Variants in CHN1 observed in about 807,000 individuals in gnomAD.
The protein encoded by CHN1 is chimerin 1.
In CHN1, 37 loss-of-function variants were observed where a neutral mutation model predicts 59.5. The ratio of observed to expected loss-of-function variants is 0.62; its 90% CI spans 0.48 to 0.82. The LOEUF (loss-of-function observed/expected upper bound fraction) is 0.82, where lower values mean the gene tolerates loss of function less well. Among genes scored for constraint, CHN1 ranks in the 40% least tolerant of loss-of-function variants. CHN1 has a pLI of 0.00. For synonymous variants in CHN1, 206 were observed against 200.4 expected, an observed-to-expected ratio of 1.03 and a Z score of -0.24; for missense variants, 469 against 571.0, an observed-to-expected ratio of 0.82 and a Z score of 1.82.
intron 6 of CHN1, among the ~76,000 whole-genome samples, chr2:174,853,104 C>T (rs1197743667): frequency 6.6e-6 from 1 of 152,096 alleles, no homozygotes; most frequent in African/African-American, 2.4e-5. Context: ...GGGCCTAATT[C>T]AACCGAAGAG....
intron 1 of CHN1, among the ~76,000 whole-genome samples, chr2:174,979,591 G>C (rs1345030439): frequency 6.6e-6 from 1 of 152,154 alleles, no homozygotes; most frequent in East Asian, 1.9e-4. Context: ...GAGGTGGGCA[G>C]ATCACGAGGT....
intron 1 of CHN1, among the ~76,000 whole-genome samples, chr2:174,995,555 C>T (rs1691680771): frequency 6.6e-6 from 1 of 152,178 alleles, no homozygotes; most frequent in Admixed American, 6.5e-5. Context: ...GAGTGTGCAA[C>T]CCAGATCCCT....
chr2:174,894,827 GA>G (rs1481991153), intron 5 of CHN1, among the ~76,000 whole-genome samples: 2 of 152,074 alleles, frequency 1.3e-5, no homozygotes, highest in African/African-American at 4.8e-5. Context: ...ACCACGGTCT[GA>G]AAATATTAAA....
At chr2:174,941,386 A>T (rs933518236) in intron 3 of CHN1, among the ~76,000 whole-genome samples, 5 of 152,166 alleles carry the variant, frequency 3.3e-5, no homozygotes, top group South Asian at 2.1e-4. Flanking sequence ...TAGAAAAAAA[A>T]TTTTTTTAAT....
chr2:174,832,384 A>T (rs749040055), intron 7 of CHN1, among the ~76,000 whole-genome samples: 8 of 151,974 alleles, frequency 5.3e-5, no homozygotes, highest in Non-Finnish European at 1.0e-4. Context: ...GTTTCTTAAG[A>T]TGGAAGCTTA....
At chr2:174,841,065 T>C (rs1404756292) in intron 7 of CHN1, among the ~76,000 whole-genome samples, 3 of 152,188 alleles carry the variant, frequency 2.0e-5, no homozygotes, top group Non-Finnish European at 4.4e-5. Context: ...TGGGTTTCTC[T>C]GAAGTATAGC....
intron 7 of CHN1, among the ~76,000 whole-genome samples, chr2:174,845,836 A>T (rs1405484526): frequency 6.6e-6 from 1 of 151,960 alleles, no homozygotes; most frequent in Non-Finnish European, 1.5e-5. Flanking sequence ...TGGTGTTAAA[A>T]ATCAGAATAA....
chr2:174,880,590 T>C (rs56095504), intron 5 of CHN1, among the ~76,000 whole-genome samples: 49,618 of 152,086 alleles, frequency 0.33, 9,426 homozygotes, highest in Admixed American at 0.46. Flanking sequence ...TCCTTGAAGT[T>C]CACTGCTTGC....
chr2:174,941,641 CAT>C (rs1404799501), intron 3 of CHN1, among the ~76,000 whole-genome samples: 63 of 152,294 alleles, frequency 4.1e-4, no homozygotes, highest in Non-Finnish European at 6.3e-4. Flanking sequence ...TAAATGTTCA[CAT>C]GTTGAACGTT....
Position 174,846,901 on chromosome 2 carries a change from A to G in CHN1, c.606T>C (p.Tyr202=). 2 of 1,551,306 alleles carry G rather than the reference A, an allele frequency of 1.3e-6. No individual in the cohort carries two copies. Among genetic ancestry groups the G allele is most frequent in the Non-Finnish European group, 1.7e-6 (2 of 1,146,602 alleles). Residue 202 remains tyrosine (Y), a synonymous_variant, in exon 7 of 13, where the codon TAT becomes TAC. Transcript: ENST00000409900. ...TLKENEQIPK[Y]EKIHNFKVHT... The stretch of plus-strand genomic sequence containing the variant: ...TTACCTTGAAATTGTGAATCTTTTC[A>G]TATTTTGGAATTTGCTCGTTTTCTT...
In CHN1 at chr2:174,963,784, A is replaced by G. The variant is rs569694962; in HGVS notation, c.20-11582T>C. ...GAGAAAGCAAACCAGGCAACAGGAA[A>G]GCCAAAGACAGAAGACAACAAGCAC... On this transcript the variant is annotated intron_variant, in intron 1 of 12. Coordinates refer to ENST00000409900, the MANE Select transcript of CHN1 (RefSeq NM_001822.7). Among the ~76,000 whole-genome samples, 3 of 152,312 alleles carry G rather than the reference A, an allele frequency of 2.0e-5. No homozygotes were observed. The South Asian group carries it at 6.2e-4, about 32-fold the overall frequency.
At chr2:174,812,602 T>A in intron 8 of CHN1, 120 bp from the exon 9 acceptor site, 1 of 755,596 alleles carries the variant, frequency 1.3e-6, no homozygotes. Flanking sequence ...TGGACTAGAC[T>A]CCAGCAGTTC....
chr2:174,865,457 A>C (rs1029643759), intron 6 of CHN1, among the ~76,000 whole-genome samples: 1 of 152,162 alleles, frequency 6.6e-6, no homozygotes, highest in African/African-American at 2.4e-5. Flanking sequence ...GCCCCCTAGA[A>C]TATCTTGATA....
chr2:174,803,650 G>C (rs1002526450), intron 11 of CHN1, among the ~76,000 whole-genome samples: 1 of 152,288 alleles, frequency 6.6e-6, no homozygotes, highest in African/African-American at 2.4e-5. Context: ...GACTTCCTGG[G>C]CTCAGGTGAT....
At position 174,817,638 on chromosome 2, in the gene CHN1, CTTTTTTTTT is replaced by C. The variant is rs958427207; in HGVS notation, c.713-5165_713-5157del. On this transcript the variant is annotated intron_variant, in intron 8 of 12. Transcript: ENST00000409900. ...CGCTACGCCCAGCTGATTTTTTTTT[CTTTTTTTTT>C]TTTTTTTTGAGACGGAGTCTCGCTC... Among the ~76,000 whole-genome samples the C allele has an allele frequency of 3.1e-5, 4 of 129,440 alleles. 1 individual carries two copies. Among genetic ancestry groups the C allele is most frequent in the Middle Eastern group, 4.4e-3 (1 of 228 alleles). The allele number at this position is 129,440 out of a possible 152,430, so 84.9% of individuals were successfully genotyped here.
intron 6 of CHN1, among the ~76,000 whole-genome samples, chr2:174,860,274 G>A (rs931993200): frequency 6.6e-6 from 1 of 152,106 alleles, no homozygotes; most frequent in Non-Finnish European, 1.5e-5. Flanking sequence ...TTACAAGGTG[G>A]AAAGCCATTT....
chr2:174,835,387 T>A (rs368284768), intron 7 of CHN1, among the ~76,000 whole-genome samples: 7 of 152,326 alleles, frequency 4.6e-5, no homozygotes, highest in African/African-American at 1.4e-4. Context: ...TTTTTCTGTT[T>A]AGTGTTTAGT....
At chr2:174,807,446 C>CTGTGTATG (rs1684923855) in intron 11 of CHN1, among the ~76,000 whole-genome samples, 1 of 83,774 alleles carries the variant, frequency 1.2e-5, no homozygotes, top group Non-Finnish European at 2.4e-5. Context: ...CACGGGCTAT[C>CTGTGTATG]TGTGTGTGTG....
chr2:174,932,952 A>T (rs1265017796), intron 3 of CHN1, among the ~76,000 whole-genome samples: 4 of 152,218 alleles, frequency 2.6e-5, no homozygotes, highest in African/African-American at 9.6e-5. Context: ...AGACTAATAC[A>T]GTTAGGATTC....
Sources: gnomAD v4.1 joint callset for allele counts (sites outside exome capture counted in the v4.1 genomes callset) on GRCh38, gnomAD v4.1.1 for gene constraint, MANE v1.5 for transcripts, NCBI Gene and HGNC (gene_info 2026-07-23, HGNC 2026-07-21) for gene names.